GRIP2: variants seen among roughly 807,000 people sequenced by gnomAD.
GRIP2 encodes the protein glutamate receptor interacting protein 2, also known as glutamate receptor-interacting protein 2.
In GRIP2, 58 loss-of-function variants were observed where a neutral mutation model predicts 108.3. The ratio of observed to expected loss-of-function variants is 0.54; its 90% confidence interval spans 0.43 to 0.67. GRIP2 has a LOEUF of 0.67. GRIP2 is among the 30% of genes least tolerant of loss of function. The probability of loss-of-function intolerance (pLI) is 0.00; values close to 1 mark genes in which losing one functional copy is unlikely to be tolerated. For synonymous variants in GRIP2, 586 were observed against 598.2 expected, an observed-to-expected ratio of 0.98 and a Z score of 0.30; for missense variants, 1,278 against 1,430.6, an observed-to-expected ratio of 0.89 and a Z score of 1.72.
upstream of GRIP2, among the ~76,000 whole-genome samples, chr3:14,557,147 A>G (rs562892906): frequency 7.9e-5 from 12 of 152,368 alleles, no homozygotes; most frequent in African/African-American, 2.4e-4. Context: ...ATCACTTCGC[A>G]GCAATCCTAT....
At chr3:14,571,987 G>C in the GRIP2 span, among the ~76,000 whole-genome samples, 21 of 152,200 alleles carry the variant, frequency 1.4e-4, no homozygotes, top group Admixed American at 1.4e-3. Context: ...ACTTTGGAAA[G>C]CTGTTTGATA....
Position 14,521,733 on chromosome 3 carries a change from C to T in GRIP2, c.621G>A (p.Leu207=). ...GGGCGGTGGCATGGCTGGCCCCGTGCAGCGGGATTCCATCGACACTGAGCA... is the reference window on the plus strand; with the variant it reads ...GGGCGGTGGCATGGCTGGCCCCGTGTAGCGGGATTCCATCGACACTGAGCA... ...DRLLSVDGIP[L]HGASHATALA... is the part of the protein sequence containing the mutation. The change falls in exon 7 of 24, where the codon CTG becomes CTA. Residue 207 remains leucine, a synonymous_variant. Coordinates refer to ENST00000621039, the MANE Select transcript of GRIP2 (RefSeq NM_001080423.4). This position sits in a 1 kb window ranked among gnomAD's most constrained non-coding sequence, Gnocchi z 5.1. 1 of 1,609,886 alleles carries T rather than the reference C, an allele frequency of 6.2e-7. No individual in the cohort carries two copies. Among genetic ancestry groups the T allele is most frequent in the Non-Finnish European group, 8.5e-7 (1 of 1,178,658 alleles).
At chr3:14,574,650 G>A in the GRIP2 span, 1 of 660,448 alleles carries the variant, frequency 1.5e-6, no homozygotes, top group Non-Finnish European at 2.9e-6. Flanking sequence ...CATCTCATCA[G>A]GGAAATTCGT....
intron 23 of GRIP2, 38 bp downstream of exon 23, chr3:14,494,805 A>G (rs748656109): frequency 6.3e-7 from 1 of 1,593,224 alleles, no homozygotes; most frequent in Non-Finnish European, 8.6e-7. Flanking sequence ...CTAGGAAACA[A>G]TGCCACCCCC....
intron 1 of GRIP2, among the ~76,000 whole-genome samples, chr3:14,551,905 G>T (rs975399259): frequency 6.6e-6 from 1 of 152,098 alleles, no homozygotes; most frequent in African/African-American, 2.4e-5. Flanking sequence ...ATAACCCACA[G>T]GCCTGTTGCA....
At position 14,514,827 on chromosome 3, in the gene GRIP2, G is replaced by A. The variant is rs150117050; in HGVS notation, c.1307-349C>T. 1.8e-4 allele frequency among the ~76,000 whole-genome samples: 28 copies of A among 152,284 alleles called. No homozygotes were observed. In the East Asian group the frequency reaches 5.0e-3, roughly 27 times the overall value. On this transcript the variant is annotated intron_variant, in intron 11 of 23. Coordinates refer to ENST00000621039, the MANE Select transcript of GRIP2 (RefSeq NM_001080423.4). Reference sequence around the variant, plus strand: ...ACTATATTATGTCACTCTGCTTTTCGGTAAGAGGTTTATTGAGATATAATT... The same window carrying A: ...ACTATATTATGTCACTCTGCTTTTCAGTAAGAGGTTTATTGAGATATAATT...
At chr3:14,599,713 TTGTG>T in the GRIP2 span, among the ~76,000 whole-genome samples, 67 of 73,562 alleles carry the variant, frequency 9.1e-4, no homozygotes, top group African/African-American at 3.8e-3. Flanking sequence ...GTGTGTGTGT[TTGTG>T]TGTGTGTGTG....
rs1281916288 is a variant in GRIP2, at chr3:14,512,154, C to CAA, written c.1720+622_1720+623insTT. On this transcript the variant is annotated intron_variant, in intron 14 of 23. Transcript: ENST00000621039. This position sits in a 1 kb window ranked among gnomAD's most constrained non-coding sequence, Gnocchi z 5.1. Reference sequence around the variant, plus strand: ...GGTCTCAGATGCAAAGGCCCAGAGGCAGGAAGGGGCAGGCATGGCAGGGAG... The same window carrying CAA: ...GGTCTCAGATGCAAAGGCCCAGAGGCAAAGGAAGGGGCAGGCATGGCAGGGAG... Among the ~76,000 whole-genome samples, 3 of 152,186 alleles carry CAA rather than the reference C, an allele frequency of 2.0e-5. No homozygotes were observed. In the East Asian group the frequency reaches 5.8e-4, roughly 29 times the overall value.
At chr3:14,566,818 A>G in the GRIP2 span, among the ~76,000 whole-genome samples, 82 of 152,120 alleles carry the variant, frequency 5.4e-4, no homozygotes, top group African/African-American at 1.9e-3. Context: ...CCACTGTGTG[A>G]CCTGGGATGA....
chr3:14,587,716 T>C, the GRIP2 span, among the ~76,000 whole-genome samples: 1 of 152,104 alleles, frequency 6.6e-6, no homozygotes, highest in South Asian at 2.1e-4. Flanking sequence ...AAAATGAAGT[T>C]AACTGTCCCT....
chr3:14,540,438 C>T (rs760633406), upstream of GRIP2: 3 of 1,584,730 alleles, frequency 1.9e-6, no homozygotes, highest in South Asian at 1.1e-5. This position sits in a 1 kb window ranked among gnomAD's most constrained non-coding sequence, Gnocchi z 4.1. Flanking sequence ...ACCGAGTCCA[C>T]CCACTGCAGC....
At chr3:14,551,375 G>C (rs1035734664) in intron 1 of GRIP2, among the ~76,000 whole-genome samples, 1 of 152,246 alleles carries the variant, frequency 6.6e-6, no homozygotes, top group Non-Finnish European at 1.5e-5. Context: ...GTGCGGTTGG[G>C]GCATTCAGGG....
chr3:14,593,747 G>C, the GRIP2 span, among the ~76,000 whole-genome samples: 1 of 152,126 alleles, frequency 6.6e-6, no homozygotes, highest in African/African-American at 2.4e-5. Context: ...GAGTTCTTTG[G>C]GCAGGACTGT....
At chr3:14,538,655 A>G (rs1189999579) in intron 1 of GRIP2, among the ~76,000 whole-genome samples, 1 of 152,226 alleles carries the variant, frequency 6.6e-6, no homozygotes, top group Non-Finnish European at 1.5e-5. Flanking sequence ...CCTGGGGAGG[A>G]GACCTAGGGT....
upstream of GRIP2, among the ~76,000 whole-genome samples, chr3:14,558,222 G>A (rs1695265370): frequency 1.3e-5 from 2 of 152,208 alleles, no homozygotes; most frequent in Admixed American, 6.5e-5. Flanking sequence ...CAGCATGCAT[G>A]CGGCAAAACA....
the GRIP2 span, among the ~76,000 whole-genome samples, chr3:14,580,090 C>G: frequency 6.6e-6 from 1 of 152,208 alleles, no homozygotes; most frequent in Admixed American, 6.5e-5. Flanking sequence ...CTACTGTGTC[C>G]AACACAGGAC....
In GRIP2 at chr3:14,511,064, C is replaced by A. The variant is rs1423281734; in HGVS notation, c.1933+101G>T. ...AGCCAGCCTTCAGCAGCGCCCACCA[C>A]CCTCCCTTCCTCGGCTGGAGGGAGC... On this transcript the variant is annotated intron_variant, in intron 16 of 23. Coordinates refer to ENST00000621039, the MANE Select transcript of GRIP2 (RefSeq NM_001080423.4). The surrounding 1 kb of genome is among the most constrained non-coding windows in gnomAD (Gnocchi z 4.1). The A allele has an allele frequency of 2.2e-6, 3 of 1,389,514 alleles. No homozygotes were observed. The highest frequency in any genetic ancestry group is 2.0e-6 in the Non-Finnish European group (2 of 1,015,522). The allele number at this position is 1,389,514 out of a possible 1,614,324, so 86.1% of individuals were successfully genotyped here.
At chr3:14,503,714 G>T (rs752566160) in intron 20 of GRIP2, 43 bp from the exon 21 acceptor site, 1 of 1,224,020 alleles carries the variant, frequency 8.2e-7, no homozygotes, top group South Asian at 1.4e-5. Context: ...TGGCAGGCGG[G>T]TGGGCGGGCT....
At chr3:14,587,488 A>C in the GRIP2 span, among the ~76,000 whole-genome samples, 2 of 151,994 alleles carry the variant, frequency 1.3e-5, no homozygotes. Flanking sequence ...ACAATACAAA[A>C]ATTAGCCAGG....
Sources: allele counts gnomAD v4.1 joint callset (sites outside exome capture counted in the v4.1 genomes callset), GRCh38; gene constraint gnomAD v4.1.1; non-coding constraint Gnocchi (gnomAD v3.1); transcripts MANE v1.5; gene names NCBI Gene and HGNC (gene_info 2026-07-23, HGNC 2026-07-21).